P2RX7: variants seen among roughly 807,000 people sequenced by gnomAD.
P2RX7 encodes the protein P2X purinoceptor 7.
P2RX7 carries 62 observed loss-of-function variants against 71.6 expected under a neutral mutation model. That is an observed-to-expected ratio of 0.87 (90% CI 0.71 to 1.07). The LOEUF (loss-of-function observed/expected upper bound fraction) is 1.07, where lower values mean the gene tolerates loss of function less well. Ranked by LOEUF, P2RX7 falls within the 50% of genes least tolerant of loss-of-function variation. P2RX7 has a pLI of 0.00. For synonymous variants in P2RX7, 299 were observed against 283.3 expected (o/e 1.06, Z -0.56); for missense variants, 686 against 748.5 (o/e 0.92, Z 0.97).
At chr12:121,152,053 C>T (rs943414146) in intron 1 of P2RX7, among the ~76,000 whole-genome samples, 2 of 151,106 alleles carry the variant, frequency 1.3e-5, no homozygotes, top group African/African-American at 4.9e-5. Flanking sequence ...GACCTTGGCC[C>T]CCTGCAACCT....
At chr12:121,143,144 C>A (rs1352977465) in intron 1 of P2RX7, among the ~76,000 whole-genome samples, 1 of 148,344 alleles carries the variant, frequency 6.7e-6, no homozygotes, top group Non-Finnish European at 1.5e-5. Flanking sequence ...ATTTGGGAGG[C>A]CCAGGTGGGC....
chr12:121,153,197 C>T (rs1260033193), intron 1 of P2RX7, among the ~76,000 whole-genome samples: 1 of 152,182 alleles, frequency 6.6e-6, no homozygotes, highest in Non-Finnish European at 1.5e-5. Flanking sequence ...TTGAAAGCTC[C>T]CTGGGTGATT....
At position 121,187,052 on chromosome 12, in the gene P2RX7, T is replaced by C. The variant is rs1454593877; in HGVS notation, c.*2250T>C. 1 of 152,228 alleles carries C rather than the reference T, an allele frequency of 6.6e-6. No individual in the cohort carries two copies. Among genetic ancestry groups the C allele is most frequent in the Admixed American group, 6.5e-5 (1 of 15,272 alleles). 9.4% of individuals were successfully genotyped at this position (152,228 alleles called of 1,614,324 possible). On this transcript the variant is annotated 3_prime_UTR_variant, in exon 13 of 13. Coordinates refer to ENST00000328963, the MANE Select transcript of P2RX7 (RefSeq NM_002562.6). Reference sequence around the variant, plus strand: ...TTCCATACATCAACTGCTGAGAATATGAAAATGCACAGTGACAGGTTTTAG... The same window carrying C: ...TTCCATACATCAACTGCTGAGAATACGAAAATGCACAGTGACAGGTTTTAG...
chr12:121,162,567 G>T, intron 5 of P2RX7, 47 bp downstream of exon 5: 1 of 1,601,510 alleles, frequency 6.2e-7, no homozygotes, highest in Non-Finnish European at 8.5e-7. Context: ...GCGGCGACCA[G>T]ATGAGGCCTT....
chr12:121,138,116 A>T (rs1874085705), intron 1 of P2RX7, among the ~76,000 whole-genome samples: 1 of 152,218 alleles, frequency 6.6e-6, no homozygotes, highest in Non-Finnish European at 1.5e-5. Context: ...ACAGAAACCC[A>T]ACTTGCGTTA....
At chr12:121,146,236 C>T (rs997122518) in intron 1 of P2RX7, among the ~76,000 whole-genome samples, 2 of 151,030 alleles carry the variant, frequency 1.3e-5, no homozygotes, top group African/African-American at 4.9e-5. Flanking sequence ...ACCCGACCCT[C>T]TACTGTCCCA....
intron 8 of P2RX7, among the ~76,000 whole-genome samples, chr12:121,169,991 C>G (rs528137929): frequency 6.6e-6 from 1 of 152,224 alleles, no homozygotes; most frequent in Non-Finnish European, 1.5e-5. Flanking sequence ...CTGTCCCCGC[C>G]ACTCCTTAGT....
In P2RX7 at chr12:121,134,820, G is replaced by C. The variant is rs182397877; in HGVS notation, c.125+1725G>C. On this transcript the variant is annotated intron_variant, in intron 1 of 12. Coordinates refer to ENST00000328963, the MANE Select transcript of P2RX7 (RefSeq NM_002562.6). ...GTGCTGATTGATAATGATGATGAAG[G>C]CAATTTGTATCTATAGAGTGGCAGT... 5.3e-4 allele frequency among the ~76,000 whole-genome samples: 80 copies of C among 152,082 alleles called. 1 individual carries two copies. In the East Asian group the frequency reaches 0.015, roughly 28 times the overall value.
intron 8 of P2RX7, 144 bp downstream of exon 8, chr12:121,167,768 T>C (rs1239062137): frequency 1.6e-6 from 1 of 642,210 alleles, no homozygotes. Context: ...ATTTTTTCCA[T>C]AATTTTTTAA....
intron 1 of P2RX7, among the ~76,000 whole-genome samples, chr12:121,134,232 G>C (rs1873022350): frequency 6.6e-6 from 1 of 152,144 alleles, no homozygotes. Context: ...AAATTGCTAG[G>C]TCATATGTTA....
chr12:121,138,337 C>A (rs1257040262), intron 1 of P2RX7, among the ~76,000 whole-genome samples: 1 of 152,254 alleles, frequency 6.6e-6, no homozygotes, highest in African/African-American at 2.4e-5. Context: ...CTTCTTTTAA[C>A]AACCTCAGAG....
At chr12:121,164,606 C>G (rs1230705097) in intron 5 of P2RX7, among the ~76,000 whole-genome samples, 1 of 151,864 alleles carries the variant, frequency 6.6e-6, no homozygotes, top group Non-Finnish European at 1.5e-5. Flanking sequence ...CATGGTGAAA[C>G]CCCATCTCTA....
intron 5 of P2RX7, among the ~76,000 whole-genome samples, chr12:121,164,994 G>T (rs1880706501): frequency 6.6e-6 from 1 of 152,066 alleles, no homozygotes; most frequent in South Asian, 2.1e-4. Flanking sequence ...TAAATGATCA[G>T]ATCTCGTGAG....
intron 4 of P2RX7, among the ~76,000 whole-genome samples, chr12:121,161,907 A>C (rs1352488801): frequency 6.6e-6 from 1 of 151,824 alleles, no homozygotes. Context: ...ACTGCATTCT[A>C]CTCCATACTG....
chr12:121,138,806 C>T (rs763404099), intron 1 of P2RX7, among the ~76,000 whole-genome samples: 2 of 152,260 alleles, frequency 1.3e-5, no homozygotes, highest in African/African-American at 2.4e-5. Context: ...CACCAGGAGC[C>T]CTGCTCCTCA....
At chr12:121,133,147 A>T in intron 1 of P2RX7, 52 bp downstream of exon 1, 1 of 1,608,016 alleles carries the variant, frequency 6.2e-7, no homozygotes, top group Non-Finnish European at 8.5e-7. Context: ...GACAGCACAG[A>T]AAGCCCCAGC....
Position 121,162,169 on chromosome 12 carries a change from T to C in P2RX7, c.437-255T>C, listed in dbSNP as rs1365842524. On this transcript the variant is annotated intron_variant, in intron 4 of 12. Transcript: ENST00000328963. ...CTCCCCTCATGGGCACCTTTTCTTA[T>C]AAAGAAACAAAAGAGCCAGCAGAAT... 4.2e-6 allele frequency: 5 copies of C among 1,187,190 alleles called. No homozygotes were observed. In the African/African-American group the frequency reaches 7.9e-5, roughly 19 times the overall value. The allele number at this position is 1,187,190 out of a possible 1,614,324, so 73.5% of individuals were successfully genotyped here.
At chr12:121,145,099 C>T (rs1039743434) in intron 1 of P2RX7, among the ~76,000 whole-genome samples, 5 of 152,166 alleles carry the variant, frequency 3.3e-5, no homozygotes, top group Non-Finnish European at 7.4e-5. Context: ...GAAGAAGGTG[C>T]AACCGACCAG....
chr12:121,158,161 A>G (rs1310571933), intron 3 of P2RX7, among the ~76,000 whole-genome samples: 1 of 152,188 alleles, frequency 6.6e-6, no homozygotes, highest in Non-Finnish European at 1.5e-5. Flanking sequence ...ACACACCAAC[A>G]TGAATAGATA....
Sources: allele counts gnomAD v4.1 joint callset (sites outside exome capture counted in the v4.1 genomes callset), GRCh38; gene constraint gnomAD v4.1.1; transcripts MANE v1.5; gene names NCBI Gene and HGNC (gene_info 2026-07-23, HGNC 2026-07-21).